Variants in UBE2S observed in about 807,000 individuals in gnomAD.
The protein encoded by UBE2S is ubiquitin conjugating enzyme E2 S, also known as ubiquitin-conjugating enzyme E2 S.
A neutral mutation model predicts 12.3 loss-of-function variants in UBE2S; 3 were observed. The observed-to-expected ratio is 0.24, with a 90% CI of 0.11 to 0.63. UBE2S has a LOEUF of 0.63. UBE2S is among the 30% of genes least tolerant of loss of function. UBE2S has a pLI of 0.85. For synonymous variants in UBE2S, 133 were observed against 142.0 expected, an observed-to-expected ratio of 0.94 and a Z score of 0.45; for missense variants, 211 against 313.9, an observed-to-expected ratio of 0.67 and a Z score of 2.48.
rs1324088817 is a variant in UBE2S at position 55,399,789 on chromosome 19, C to T, written c.*1647G>A. ...TATTATGCACTTCGCTAAATTATTTCAGTGGGTTCCGAGGCCCAGGATGCA... is the reference window on the plus strand; with the variant it reads ...TATTATGCACTTCGCTAAATTATTTTAGTGGGTTCCGAGGCCCAGGATGCA... On this transcript the variant is annotated 3_prime_UTR_variant, in exon 4 of 4. Coordinates refer to ENST00000264552, the MANE Select transcript of UBE2S (RefSeq NM_014501.3). 1 of 152,218 alleles carries T rather than the reference C, an allele frequency of 6.6e-6. No homozygotes were observed. Among genetic ancestry groups the T allele is most frequent in the African/African-American group, 2.4e-5 (1 of 41,450 alleles). The allele number at this position is 152,218 out of a possible 1,614,324, so 9.4% of individuals were successfully genotyped here.
chr19:55,407,014 C>G, intron 1 of UBE2S, 52 bp from the exon 2 acceptor site: 2 of 1,591,860 alleles, frequency 1.3e-6, no homozygotes, highest in Non-Finnish European at 1.7e-6. Context: ...CTGGGCTTCC[C>G]GCAGGGCCTA....
At chr19:55,402,579 C>A (rs2090068220) in intron 3 of UBE2S, among the ~76,000 whole-genome samples, 1 of 152,192 alleles carries the variant, frequency 6.6e-6, no homozygotes, top group South Asian at 2.1e-4. Flanking sequence ...ATACACAGTA[C>A]CTGGCTCAGC....
intron 3 of UBE2S, among the ~76,000 whole-genome samples, chr19:55,403,594 G>A (rs1236267151): frequency 6.6e-6 from 1 of 152,142 alleles, no homozygotes. Context: ...CCACCTGTCA[G>A]AAAACTGTCC....
At position 55,400,187 on chromosome 19, in the gene UBE2S, T is replaced by TA. The variant is rs2090046776; in HGVS notation, c.*1248dup. 6.6e-6 allele frequency: 1 copy of TA among 152,202 alleles called. No homozygotes were observed. The highest frequency in any genetic ancestry group is 1.5e-5 in the Non-Finnish European group (1 of 68,034). The allele number at this position is 152,202 out of a possible 1,614,324, so 9.4% of individuals were successfully genotyped here. ...GGTCAGAACTTGTAGATTTTTATTGTAAATGTATTTTACTTTTTGTAGAGA... is the reference window on the plus strand; with the variant it reads ...GGTCAGAACTTGTAGATTTTTATTGTAAAATGTATTTTACTTTTTGTAGAGA... On this transcript the variant is annotated 3_prime_UTR_variant, in exon 4 of 4. Coordinates refer to ENST00000264552, the MANE Select transcript of UBE2S (RefSeq NM_014501.3).
At position 55,404,493 on chromosome 19, in the gene UBE2S, G is replaced by C; in HGVS notation, c.152-15C>G. 1.3e-6 allele frequency: 2 copies of C among 1,592,060 alleles called. No individual in the cohort carries two copies. Among genetic ancestry groups the C allele is most frequent in the Non-Finnish European group, 1.7e-6 (2 of 1,168,184 alleles). On this transcript the variant is annotated splice_polypyrimidine_tract_variant and intron_variant, in intron 2 of 3. Transcript: ENST00000264552. The surrounding 1 kb of genome is among the most constrained non-coding windows in gnomAD (Gnocchi z 4.4). Reference sequence around the variant, plus strand: ...TGGGGTCCCCTCTGGAGTGGAGGGAGGGGTACAGGGTCAGGGCACTCAGGA... The same window carrying C: ...TGGGGTCCCCTCTGGAGTGGAGGGACGGGTACAGGGTCAGGGCACTCAGGA...
chr19:55,401,153 T>A lies in UBE2S; in HGVS notation c.*283A>T, dbSNP rs2123306228. On this transcript the variant is annotated 3_prime_UTR_variant, in exon 4 of 4. Coordinates refer to ENST00000264552, the MANE Select transcript of UBE2S (RefSeq NM_014501.3). ...CCCAAACCTCAAACAGCAAGGCTGG[T>A]GAGCTAGATGGACCCACTGCTGCAG... The A allele has an allele frequency of 2.1e-6, 1 of 485,256 alleles. No homozygotes were observed. The highest frequency in any genetic ancestry group is 3.7e-5 in the East Asian group (1 of 27,186). 30.1% of individuals were successfully genotyped at this position (485,256 alleles called of 1,614,324 possible). A position where few individuals can be genotyped will look rare whatever the true frequency, so the allele number is the denominator to read the frequency against.
rs2090050084 is a variant in UBE2S at position 55,400,606 on chromosome 19, C to CT, written c.*829dup. Reference sequence around the variant, plus strand: ...GCTTCTTGGAGCTAAGACCCTAGTTCTACGAGGACTGAAATCAGCCAACAA... The same window carrying CT: ...GCTTCTTGGAGCTAAGACCCTAGTTCTTACGAGGACTGAAATCAGCCAACAA... On this transcript the variant is annotated 3_prime_UTR_variant, in exon 4 of 4. Transcript: ENST00000264552. The CT allele has an allele frequency of 6.6e-6, 1 of 152,252 alleles. No homozygotes were observed. The highest frequency in any genetic ancestry group is 1.5e-5 in the Non-Finnish European group (1 of 68,066). The allele number at this position is 152,252 out of a possible 1,614,324, so 9.4% of individuals were successfully genotyped here.
chr19:55,402,795 G>T (rs538326443), intron 3 of UBE2S: 1 of 635,758 alleles, frequency 1.6e-6, no homozygotes, highest in African/African-American at 1.8e-5. Context: ...GAAGGGAGGC[G>T]GTACATGTGG....
At chr19:55,407,056 G>A in intron 1 of UBE2S, 94 bp from the exon 2 acceptor site, 2 of 1,471,720 alleles carry the variant, frequency 1.4e-6, no homozygotes, top group Non-Finnish European at 1.8e-6. Context: ...TCTTGACTCA[G>A]TGGCCCCAGG....
Position 55,401,421 on chromosome 19 carries a change from G to A in UBE2S, c.*15C>T, listed in dbSNP as rs759322403. 1 of 1,576,120 alleles carries A rather than the reference G, an allele frequency of 6.3e-7. No individual in the cohort carries two copies. On this transcript the variant is annotated 3_prime_UTR_variant, in exon 4 of 4. Transcript: ENST00000264552. ...GGAGAGGTTGGGGTCACGGTGGAAG[G>A]AGGAAGAGAGCCCACTACAGCCGCC...
Position 55,401,220 on chromosome 19 carries a change from C to T in UBE2S, c.*216G>A. The T allele has an allele frequency of 1.6e-6, 1 of 623,454 alleles. No homozygotes were observed. The highest frequency in any genetic ancestry group is 2.8e-5 in the East Asian group (1 of 35,394). 38.6% of individuals were successfully genotyped at this position (623,454 alleles called of 1,614,324 possible). Reference sequence around the variant, plus strand: ...AGGACCCAGGGCCTGTGCAGGGGAGCCAAACTCCCAGAGCCACATGGCACC... The same window carrying T: ...AGGACCCAGGGCCTGTGCAGGGGAGTCAAACTCCCAGAGCCACATGGCACC... On this transcript the variant is annotated 3_prime_UTR_variant, in exon 4 of 4. Coordinates refer to ENST00000264552, the MANE Select transcript of UBE2S (RefSeq NM_014501.3).
intron 3 of UBE2S, among the ~76,000 whole-genome samples, chr19:55,402,603 A>G (rs2090068447): frequency 6.6e-6 from 1 of 152,216 alleles, no homozygotes; most frequent in African/African-American, 2.4e-5. Context: ...TGCTCAGCAG[A>G]TATCACTGAT....
rs534629586 is a variant in UBE2S at position 55,401,253 on chromosome 19, G to A, written c.*183C>T. On this transcript the variant is annotated 3_prime_UTR_variant, in exon 4 of 4. Coordinates refer to ENST00000264552, the MANE Select transcript of UBE2S (RefSeq NM_014501.3). ...CCAGAGCCACATGGCACCATGCAGC[G>A]GTCCTGGGGCATCTGTGAGACACAG... 2.4e-5 allele frequency: 17 copies of A among 714,564 alleles called. No homozygotes were observed. Among genetic ancestry groups the A allele is most frequent in the East Asian group, 1.9e-4 (7 of 36,566 alleles). 44.3% of individuals were successfully genotyped at this position (714,564 alleles called of 1,614,324 possible).
chr19:55,405,689 A>C (rs1180374957), intron 2 of UBE2S, among the ~76,000 whole-genome samples: 6 of 152,092 alleles, frequency 3.9e-5, no homozygotes, highest in Non-Finnish European at 5.9e-5. Context: ...GGCCCTTCCC[A>C]GGTGGCAGGG....
intron 2 of UBE2S, among the ~76,000 whole-genome samples, chr19:55,406,539 T>C (rs1166170523): frequency 6.6e-6 from 1 of 152,128 alleles, no homozygotes; most frequent in Non-Finnish European, 1.5e-5. Context: ...ACTTAATTCC[T>C]ACCCACCCTC....
chr19:55,400,029 T>TC lies in UBE2S; in HGVS notation c.*1406dup, dbSNP rs1038217675. ...TTTTCTCCCTTAGCTTGGGAGATTG[T>TC]CACTGGAGGCAAGGGCTCAAGGAAG... On this transcript the variant is annotated 3_prime_UTR_variant, in exon 4 of 4. Coordinates refer to ENST00000264552, the MANE Select transcript of UBE2S (RefSeq NM_014501.3). 1.3e-5 allele frequency: 2 copies of TC among 152,188 alleles called. No individual in the cohort carries two copies. Among genetic ancestry groups the TC allele is most frequent in the African/African-American group, 4.8e-5 (2 of 41,452 alleles). The allele number at this position is 152,188 out of a possible 1,614,324, so 9.4% of individuals were successfully genotyped here. A position where few individuals can be genotyped will look rare whatever the true frequency, so the allele number is the denominator to read the frequency against.
chr19:55,404,162 T>C lies in UBE2S; in HGVS notation c.342+126A>G. The stretch of plus-strand genomic sequence containing the variant: ...TTCCAGGAAAGCTAGCAACATGGAT[T>C]TTTATGTGGAAACCTTCAACCACTT... On this transcript the variant is annotated intron_variant, in intron 3 of 3. Transcript: ENST00000264552. This position sits in a 1 kb window ranked among gnomAD's most constrained non-coding sequence, Gnocchi z 4.4. The C allele has an allele frequency of 7.9e-7, 1 of 1,265,562 alleles. No individual in the cohort carries two copies. The highest frequency in any genetic ancestry group is 1.1e-6 in the Non-Finnish European group (1 of 908,954). The allele number at this position is 1,265,562 out of a possible 1,614,324, so 78.4% of individuals were successfully genotyped here.
intron 2 of UBE2S, among the ~76,000 whole-genome samples, chr19:55,405,285 G>A (rs1258052968): frequency 2.0e-5 from 3 of 150,786 alleles, no homozygotes; most frequent in Admixed American, 6.6e-5. Context: ...TGAGGCGGGC[G>A]GATCACAAGG....
intron 2 of UBE2S, 94 bp downstream of exon 2, chr19:55,406,721 C>T (rs756873653): frequency 6.7e-6 from 10 of 1,484,374 alleles, no homozygotes; most frequent in Non-Finnish European, 9.0e-6. Context: ...GACACGAGGC[C>T]AGCCTGTAAT....
Sources: allele counts gnomAD v4.1 joint callset (sites outside exome capture counted in the v4.1 genomes callset), GRCh38; gene constraint gnomAD v4.1.1; non-coding constraint Gnocchi (gnomAD v3.1); transcripts MANE v1.5; gene names NCBI Gene and HGNC (gene_info 2026-07-23, HGNC 2026-07-21).